BAZ2B: variants seen among roughly 807,000 people sequenced by gnomAD.
The protein encoded by BAZ2B is bromodomain adjacent to zinc finger domain 2B.
A neutral mutation model predicts 246.0 loss-of-function variants in BAZ2B; 91 were observed. That is an observed-to-expected ratio of 0.37 (90% CI 0.31 to 0.44). The LOEUF is 0.44. Among genes scored for constraint, BAZ2B ranks in the 20% least tolerant of loss-of-function variants. The pLI, the probability that BAZ2B is intolerant of heterozygous loss-of-function variation, is 1.00. For missense variants in BAZ2B, 2,332 were observed against 2,533.7 expected (o/e 0.92, Z 1.71); for synonymous variants, 855 against 860.0 (o/e 0.99, Z 0.10).
intron 8 of BAZ2B, among the ~76,000 whole-genome samples, chr2:159,435,853 T>C (rs1440368679): frequency 2.6e-5 from 4 of 152,238 alleles, no homozygotes; most frequent in Non-Finnish European, 5.9e-5. Context: ...GTAAACTTTT[T>C]ATCTTATTTA....
In BAZ2B at chr2:159,448,290, A is replaced by G. The variant is rs1036602470; in HGVS notation, c.454T>C (p.Phe152Leu). 2 of 1,612,828 alleles carry G rather than the reference A, an allele frequency of 1.2e-6. No homozygotes were observed. Residue 152 changes from phenylalanine to leucine, a missense_variant, in exon 5 of 37, where the codon TTC becomes CTC. Physicochemically the swap from Phe to Leu is conservative, Grantham distance 22. This residue lies in a region of BAZ2B where 242 missense variants were observed against 237.4 expected (regional missense o/e 1.02). Coordinates refer to ENST00000392783, the MANE Select transcript of BAZ2B (RefSeq NM_013450.4). ...PPAQNHDSSS[F>L]HSRTSGKSNR... is the part of the protein sequence containing the mutation. ...CTTTTTCCCGAAGTCCTTGAATGGA[A>G]TGAAGAAGAATCATGATTCTGGGCT...
At position 159,507,199 on chromosome 2, in the gene BAZ2B, T is replaced by C. The variant is rs936127704; in HGVS notation, c.-2-28478A>G. 1.1e-4 allele frequency among the ~76,000 whole-genome samples: 16 copies of C among 152,212 alleles called. No homozygotes were observed. In the South Asian group the frequency reaches 1.2e-3, roughly 12 times the overall value. ...GTGGCTGCAAAGAAGAGCTAAATGG[T>C]TTTGAGAACAAAAAACTTGAGGTTT... On this transcript the variant is annotated intron_variant, in intron 2 of 36. Coordinates refer to ENST00000392783, the MANE Select transcript of BAZ2B (RefSeq NM_013450.4).
chr2:159,657,390 A>G, the BAZ2B span, among the ~76,000 whole-genome samples: 1 of 152,138 alleles, frequency 6.6e-6, no homozygotes, highest in Non-Finnish European at 1.5e-5. Context: ...AAGCCATGAA[A>G]TTGGGGAGTG....
chr2:159,549,619 A>C (rs1226557761), intron 2 of BAZ2B, among the ~76,000 whole-genome samples: 1 of 152,146 alleles, frequency 6.6e-6, no homozygotes, highest in Non-Finnish European at 1.5e-5. Flanking sequence ...AAAAATCACA[A>C]AAAAAATCTC....
intron 4 of BAZ2B, among the ~76,000 whole-genome samples, chr2:159,452,801 T>A (rs1404416990): frequency 6.6e-6 from 1 of 152,176 alleles, no homozygotes; most frequent in Non-Finnish European, 1.5e-5. Context: ...GTTGTTTTGA[T>A]CAAATACAGA....
intron 16 of BAZ2B, among the ~76,000 whole-genome samples, chr2:159,402,291 A>T (rs2065205074): frequency 6.6e-6 from 1 of 152,186 alleles, no homozygotes; most frequent in African/African-American, 2.4e-5. Context: ...TCTACTAAAA[A>T]TGCAAAAAAT....
chr2:159,347,019 A>G (rs879369164), intron 31 of BAZ2B, among the ~76,000 whole-genome samples: 5 of 152,200 alleles, frequency 3.3e-5, no homozygotes, highest in African/African-American at 4.8e-5. Context: ...ATTGGTCTCC[A>G]AATTAAACTA....
intron 1 of BAZ2B, among the ~76,000 whole-genome samples, chr2:159,559,231 T>A (rs1279484643): frequency 4.7e-5 from 7 of 150,216 alleles, no homozygotes; most frequent in African/African-American, 1.2e-4. Context: ...GGTGAAGGAG[T>A]AACCCTGTTA....
intron 1 of BAZ2B, among the ~76,000 whole-genome samples, chr2:159,593,456 TG>T (rs1689868512): frequency 6.6e-6 from 1 of 152,226 alleles, no homozygotes; most frequent in Non-Finnish European, 1.5e-5. Context: ...CTTTTTGTTT[TG>T]GGGGTTGTTT....
chr2:159,590,515 C>CG (rs555575666), intron 1 of BAZ2B, among the ~76,000 whole-genome samples: 142 of 151,784 alleles, frequency 9.4e-4, no homozygotes, highest in Middle Eastern at 3.4e-3. Flanking sequence ...TGCTTGAACC[C>CG]GGGGGGGTGG....
chr2:159,583,781 A>C (rs1687394938), intron 1 of BAZ2B, among the ~76,000 whole-genome samples: 1 of 152,222 alleles, frequency 6.6e-6, no homozygotes. Flanking sequence ...GAGAGAGTAC[A>C]GGGCAGACGG....
At chr2:159,693,710 CT>C in the BAZ2B span, 1,117 of 141,980 alleles carry the variant, frequency 7.9e-3, 2 homozygotes, top group African/African-American at 0.013. Context: ...ACCTGACCAT[CT>C]TTTTTTTTTT....
At chr2:159,595,800 T>C (rs1176209245) in intron 1 of BAZ2B, among the ~76,000 whole-genome samples, 1 of 152,248 alleles carries the variant, frequency 6.6e-6, no homozygotes, top group Admixed American at 6.5e-5. Context: ...TTTTGGCATA[T>C]CAAATGTGGC....
chr2:159,532,126 G>C (rs2085441677), intron 2 of BAZ2B, among the ~76,000 whole-genome samples: 1 of 152,026 alleles, frequency 6.6e-6, no homozygotes, highest in Admixed American at 6.6e-5. Flanking sequence ...CTTAGAAATT[G>C]AAAACACTAA....
chr2:159,648,777 G>A, the BAZ2B span, among the ~76,000 whole-genome samples: 1 of 151,888 alleles, frequency 6.6e-6, no homozygotes, highest in Non-Finnish European at 1.5e-5. Context: ...TGCTATGAAC[G>A]TTTATATAAG....
intron 1 of BAZ2B, among the ~76,000 whole-genome samples, chr2:159,604,109 T>A (rs1185312283): frequency 6.6e-6 from 1 of 152,158 alleles, no homozygotes; most frequent in Non-Finnish European, 1.5e-5. Flanking sequence ...ACAATGAATA[T>A]GATTAACTGT....
chr2:159,427,821 T>G, intron 13 of BAZ2B, 120 bp downstream of exon 13: 1 of 721,064 alleles, frequency 1.4e-6, no homozygotes, highest in East Asian at 2.7e-5. Context: ...CAAAGTTATA[T>G]GTATAGCCAT....
chr2:159,655,517 T>C, the BAZ2B span, among the ~76,000 whole-genome samples: 2 of 152,196 alleles, frequency 1.3e-5, no homozygotes, highest in Non-Finnish European at 2.9e-5. Flanking sequence ...TTTTCCTTTA[T>C]GGGATTTGTT....
At chr2:159,536,135 G>T (rs2085952450) in intron 2 of BAZ2B, 1 of 152,120 alleles carries the variant, frequency 6.6e-6, no homozygotes. Context: ...CAAGTTTGAG[G>T]GGTTAAGTTC....
Sources: gnomAD v4.1 joint callset for allele counts (sites outside exome capture counted in the v4.1 genomes callset) on GRCh38, gnomAD v4.1.1 for gene constraint, gnomAD v4.1.1 regional missense constraint, MANE v1.5 for transcripts, NCBI Gene and HGNC (gene_info 2026-07-23, HGNC 2026-07-21) for gene names.